KCNH5: variants seen among roughly 807,000 people sequenced by gnomAD.
KCNH5 encodes the protein potassium voltage-gated channel subfamily H member 5.
In KCNH5, 46 loss-of-function variants were observed where a neutral mutation model predicts 96.1. The observed-to-expected ratio is 0.48, with a 90% CI of 0.38 to 0.61. The LOEUF (loss-of-function observed/expected upper bound fraction) is 0.61. Ranked by LOEUF, KCNH5 falls within the 20% of genes least tolerant of loss-of-function variation. The pLI is 0.00. For synonymous variants in KCNH5, 439 were observed against 449.8 expected (o/e 0.98, Z 0.30); for missense variants, 907 against 1,225.8 (o/e 0.74, Z 3.88).
At chr14:62,913,191 T>C (rs1889204438) in intron 7 of KCNH5, among the ~76,000 whole-genome samples, 1 of 152,154 alleles carries the variant, frequency 6.6e-6, no homozygotes. Context: ...GAATAATCAA[T>C]ACTGATATAA....
intron 10 of KCNH5, among the ~76,000 whole-genome samples, chr14:62,749,677 A>G (rs1885454644): frequency 6.6e-6 from 1 of 152,182 alleles, no homozygotes; most frequent in Non-Finnish European, 1.5e-5. Context: ...CATTATTTCA[A>G]AAGGGCTGAG....
chr14:62,871,784 G>A (rs1269524191), intron 7 of KCNH5, among the ~76,000 whole-genome samples: 1 of 152,198 alleles, frequency 6.6e-6, no homozygotes, highest in Non-Finnish European at 1.5e-5. Context: ...GAGATGGGCT[G>A]TACAAGCAGT....
At chr14:62,878,123 C>T (rs1888415275) in intron 7 of KCNH5, among the ~76,000 whole-genome samples, 1 of 146,550 alleles carries the variant, frequency 6.8e-6, no homozygotes, top group Admixed American at 7.1e-5. Flanking sequence ...CATGTTCTCA[C>T]TCATAGGTGG....
chr14:62,930,705 T>C (rs531750825), intron 7 of KCNH5, among the ~76,000 whole-genome samples: 1 of 152,254 alleles, frequency 6.6e-6, no homozygotes, highest in South Asian at 2.1e-4. Context: ...TGCTGTTTAC[T>C]AAAATCTAAT....
At chr14:62,764,816 G>A (rs1885825642) in intron 10 of KCNH5, among the ~76,000 whole-genome samples, 1 of 152,128 alleles carries the variant, frequency 6.6e-6, no homozygotes, top group South Asian at 2.1e-4. Context: ...GCTAACCAGG[G>A]AGGTGAAAGA....
intron 6 of KCNH5, among the ~76,000 whole-genome samples, chr14:62,959,200 C>G (rs1268641): frequency 6.6e-6 from 1 of 151,998 alleles, no homozygotes; most frequent in Non-Finnish European, 1.5e-5. Flanking sequence ...ACCCACAACT[C>G]GGCTAGAGTA....
intron 6 of KCNH5, among the ~76,000 whole-genome samples, chr14:62,976,157 T>A (rs1566727749): frequency 6.6e-6 from 1 of 151,056 alleles, no homozygotes; most frequent in Non-Finnish European, 1.5e-5. Flanking sequence ...TCCCAGCACT[T>A]TGGGAGGCCA....
intron 1 of KCNH5, 97 bp downstream of exon 1, chr14:63,045,017 C>A: frequency 2.0e-6 from 2 of 999,012 alleles, no homozygotes; most frequent in South Asian, 1.3e-5. Context: ...CTGCCTGCAT[C>A]CTCCTCCCCC....
At chr14:63,038,042 C>A (rs1891754652) in intron 1 of KCNH5, among the ~76,000 whole-genome samples, 1 of 152,236 alleles carries the variant, frequency 6.6e-6, no homozygotes, top group Non-Finnish European at 1.5e-5. Flanking sequence ...GGATCCATTT[C>A]ATATTCCTTT....
intron 7 of KCNH5, among the ~76,000 whole-genome samples, chr14:62,908,439 G>GC (rs1889072906): frequency 1.3e-5 from 2 of 152,132 alleles, no homozygotes; most frequent in South Asian, 4.1e-4. Flanking sequence ...CTTAGAACAT[G>GC]CTATGATCTC....
intron 10 of KCNH5, among the ~76,000 whole-genome samples, chr14:62,769,088 G>T (rs990719013): frequency 6.6e-6 from 1 of 152,192 alleles, no homozygotes; most frequent in South Asian, 2.1e-4. Flanking sequence ...AGCCAGCTTG[G>T]AGTTGAAAAA....
At position 62,702,450 on chromosome 14, in the gene KCNH5, G is replaced by C. The variant is rs1282143921; in HGVS notation, c.*5058C>G. ...TAATGTCAGTATTCTACAAAATAAAGGTTTCTCCCTAAGGTCTGACTGCCT... is the reference window on the plus strand; with the variant it reads ...TAATGTCAGTATTCTACAAAATAAACGTTTCTCCCTAAGGTCTGACTGCCT... On this transcript the variant is annotated 3_prime_UTR_variant, in exon 11 of 11. Coordinates refer to ENST00000322893, the MANE Select transcript of KCNH5 (RefSeq NM_139318.5). 1 of 151,882 alleles carries C rather than the reference G, an allele frequency of 6.6e-6. No individual in the cohort carries two copies. The highest frequency in any genetic ancestry group is 2.4e-5 in the African/African-American group (1 of 41,404). The allele number at this position is 151,882 out of a possible 1,614,324, so 9.4% of individuals were successfully genotyped here.
chr14:62,859,762 T>C (rs1227137919), intron 7 of KCNH5, among the ~76,000 whole-genome samples: 3 of 152,194 alleles, frequency 2.0e-5, no homozygotes, highest in East Asian at 3.9e-4. Flanking sequence ...AGGGAGGTCC[T>C]AGAAAGGGGC....
intron 7 of KCNH5, among the ~76,000 whole-genome samples, chr14:62,851,873 A>G (rs971991367): frequency 6.6e-6 from 1 of 152,132 alleles, no homozygotes; most frequent in African/African-American, 2.4e-5. Context: ...TTAACAAATT[A>G]CGACACATTT....
intron 7 of KCNH5, among the ~76,000 whole-genome samples, chr14:62,924,085 A>G (rs1001747599): frequency 2.0e-5 from 3 of 152,070 alleles, no homozygotes; most frequent in African/African-American, 4.8e-5. Context: ...TAAGAGGTTA[A>G]TATCCAAAAT....
At chr14:62,768,871 C>G (rs567210091) in intron 10 of KCNH5, among the ~76,000 whole-genome samples, 69 of 152,278 alleles carry the variant, frequency 4.5e-4, no homozygotes, top group Non-Finnish European at 3.5e-4. Flanking sequence ...TATTCAGGAG[C>G]AAGGTATCTG....
intron 8 of KCNH5, among the ~76,000 whole-genome samples, chr14:62,841,851 G>A (rs1229043312): frequency 6.6e-6 from 1 of 152,204 alleles, no homozygotes; most frequent in Non-Finnish European, 1.5e-5. Context: ...GGAACCTGAT[G>A]CTTATGGTCT....
In KCNH5 at chr14:62,699,694, T is replaced by A. The variant is rs1253013886; in HGVS notation, c.*7814A>T. On this transcript the variant is annotated 3_prime_UTR_variant, in exon 11 of 11. Coordinates refer to ENST00000322893, the MANE Select transcript of KCNH5 (RefSeq NM_139318.5). Reference sequence around the variant, plus strand: ...TCACCACAAACTTCCCAGAAGCAACTGAATTTTGATCACAATTGTTTCATA... The same window carrying A: ...TCACCACAAACTTCCCAGAAGCAACAGAATTTTGATCACAATTGTTTCATA... 6.6e-6 allele frequency: 1 copy of A among 152,188 alleles called. No individual in the cohort carries two copies. Among genetic ancestry groups the A allele is most frequent in the Non-Finnish European group, 1.5e-5 (1 of 68,014 alleles). 9.4% of individuals were successfully genotyped at this position (152,188 alleles called of 1,614,324 possible).
intron 10 of KCNH5, among the ~76,000 whole-genome samples, chr14:62,754,203 T>C (rs1201463586): frequency 2.0e-5 from 3 of 152,140 alleles, no homozygotes; most frequent in African/African-American, 7.2e-5. Flanking sequence ...GGTTATAATA[T>C]ATTATTCGCA....
Sources: gnomAD v4.1 joint callset for allele counts (sites outside exome capture counted in the v4.1 genomes callset) on GRCh38, gnomAD v4.1.1 for gene constraint, MANE v1.5 for transcripts, NCBI Gene and HGNC (gene_info 2026-07-23, HGNC 2026-07-21) for gene names.